Variants in CYP3A4 observed in about 807,000 individuals in gnomAD.
The protein encoded by CYP3A4 is cytochrome P450 family 3 subfamily A member 4.
CYP3A4 carries 41 observed loss-of-function variants against 54.9 expected under a neutral mutation model. The observed-to-expected ratio is 0.75, with a 90% CI of 0.58 to 0.97. The LOEUF is 0.97. Among genes scored for constraint, CYP3A4 ranks in the 50% least tolerant of loss-of-function variants. The pLI is 0.00. For missense variants in CYP3A4, 510 were observed against 597.3 expected, an observed-to-expected ratio of 0.85 and a Z score of 1.52; for synonymous variants, 179 against 205.2, an observed-to-expected ratio of 0.87 and a Z score of 1.09.
At chr7:99,776,895 G>A (rs1815785458) in intron 3 of CYP3A4, among the ~76,000 whole-genome samples, 1 of 152,124 alleles carries the variant, frequency 6.6e-6, no homozygotes, top group African/African-American at 2.4e-5. Flanking sequence ...CAGCCCGCCA[G>A]TGGTTAAGAA....
chr7:99,768,468 T>C lies in CYP3A4; in HGVS notation c.556A>G (p.Ser186Gly), dbSNP rs747817354. The change falls in exon 7 of 13, where the codon AGC (serine) becomes GGC (glycine). Residue 186 changes from serine to glycine, a missense_variant. By Grantham distance (56) the Ser-to-Gly change is moderately conservative (BLOSUM62 0). Transcript: ENST00000651514. ...FGAYSMDVIT[S>G]TSFGVNIDSL... ...TCGATGTTCACTCCAAATGATGTGC[T>C]AGTGATCACATCCATGCTGTAGGCC... The C allele has an allele frequency of 3.0e-5, 49 of 1,614,034 alleles. No homozygotes were observed. The highest frequency in any genetic ancestry group is 3.8e-5 in the Non-Finnish European group (45 of 1,179,950).
In CYP3A4 at chr7:99,773,653, A is replaced by G. The variant is rs903101482; in HGVS notation, c.219-964T>C. Reference sequence around the variant, plus strand: ...AAGATGTTCTATGAAACCAATGAGAACAAAGGCACAATGTACCAGAATCTC... The same window carrying G: ...AAGATGTTCTATGAAACCAATGAGAGCAAAGGCACAATGTACCAGAATCTC... On this transcript the variant is annotated intron_variant, in intron 3 of 12. Transcript: ENST00000651514. 2.0e-5 allele frequency among the ~76,000 whole-genome samples: 3 copies of G among 152,232 alleles called. 1 individual carries two copies.
At chr7:99,783,560 T>A (rs1429996764) in intron 1 of CYP3A4, among the ~76,000 whole-genome samples, 1 of 151,498 alleles carries the variant, frequency 6.6e-6, no homozygotes, top group African/African-American at 2.4e-5. Flanking sequence ...CAATAACCTC[T>A]ATATGTTTGT....
At chr7:99,783,602 A>T (rs1483896272) in intron 1 of CYP3A4, among the ~76,000 whole-genome samples, 1 of 135,590 alleles carries the variant, frequency 7.4e-6, no homozygotes, top group Non-Finnish European at 1.6e-5. Context: ...TGCTCCTTGA[A>T]CATCTTTTTT....
At chr7:99,779,893 A>G in intron 2 of CYP3A4, 99 bp downstream of exon 2, 1 of 1,138,006 alleles carries the variant, frequency 8.8e-7, no homozygotes, top group Non-Finnish European at 1.3e-6. Context: ...AAAGTGTAAA[A>G]CTTCAGACCT....
chr7:99,778,575 T>C (rs568393849), intron 2 of CYP3A4, among the ~76,000 whole-genome samples: 21 of 152,334 alleles, frequency 1.4e-4, no homozygotes, highest in Admixed American at 1.3e-3. Flanking sequence ...TCCTTTAGTC[T>C]AGCAGATTTA....
At position 99,760,172 on chromosome 7, in the gene CYP3A4, G is replaced by T. The variant is rs17161890; in HGVS notation, c.1416+647C>A. Among the ~76,000 whole-genome samples the T allele has an allele frequency of 2.2e-3, 330 of 152,242 alleles. 2 individuals are homozygous for T. The highest frequency in any genetic ancestry group is 7.7e-3 in the African/African-American group (321 of 41,534). On this transcript the variant is annotated intron_variant, in intron 12 of 12. Transcript: ENST00000651514. ...AATAGAGTTATAATTGGGTTGAAAAGGAGCCCAGCTGGATGGAGCTAGGCA... is the reference window on the plus strand; with the variant it reads ...AATAGAGTTATAATTGGGTTGAAAATGAGCCCAGCTGGATGGAGCTAGGCA...
intron 2 of CYP3A4, among the ~76,000 whole-genome samples, chr7:99,778,728 C>T (rs1815838362): frequency 6.6e-6 from 1 of 152,208 alleles, no homozygotes; most frequent in African/African-American, 2.4e-5. Flanking sequence ...AATTACAACA[C>T]TTGCTCAGAG....
chr7:99,779,907 C>A, intron 2 of CYP3A4, 85 bp downstream of exon 2: 3 of 1,291,868 alleles, frequency 2.3e-6, no homozygotes, highest in Non-Finnish European at 2.2e-6. Context: ...CAGACCTTCC[C>A]CCTGAGGAGA....
intron 10 of CYP3A4, among the ~76,000 whole-genome samples, chr7:99,762,873 C>T (rs1815375753): frequency 6.6e-6 from 1 of 152,144 alleles, no homozygotes; most frequent in African/African-American, 2.4e-5. Context: ...AAGAACATCC[C>T]TTTGTGTTCA....
In CYP3A4 at chr7:99,772,626, T is replaced by C. The variant is rs1563043521; in HGVS notation, c.282A>G (p.Leu94=). The C allele has an allele frequency of 6.2e-7, 1 of 1,613,426 alleles. No individual in the cohort carries two copies. The highest frequency in any genetic ancestry group is 2.2e-5 in the East Asian group (1 of 44,876). The change falls in exon 4 of 13, where the codon CTA becomes CTG. Residue 94 remains leucine, a synonymous_variant. Transcript: ENST00000651514. ...TGAAGACAGAATAACATTCTTTCAC[T>C]AGCACTGTTTTGATCATGTCAGGAT... is the stretch of plus-strand genomic sequence containing the variant. ...ITDPDMIKTV[L]VKECYSVFTN...
intron 6 of CYP3A4, among the ~76,000 whole-genome samples, chr7:99,768,904 G>A (rs1467078947): frequency 2.0e-5 from 3 of 152,142 alleles, no homozygotes; most frequent in African/African-American, 4.8e-5. Flanking sequence ...TTGCCTGACT[G>A]CAGACTCTAT....
intron 4 of CYP3A4, among the ~76,000 whole-genome samples, chr7:99,770,836 G>A (rs1260802573): frequency 6.6e-6 from 1 of 151,990 alleles, no homozygotes; most frequent in African/African-American, 2.4e-5. Context: ...AATTATTTTT[G>A]CCAACTTGGA....
chr7:99,779,426 G>T (rs1404467332), intron 2 of CYP3A4, among the ~76,000 whole-genome samples: 11 of 152,304 alleles, frequency 7.2e-5, no homozygotes. Flanking sequence ...AAGAGCTGGG[G>T]TAGAGCCATG....
intron 6 of CYP3A4, among the ~76,000 whole-genome samples, chr7:99,768,739 A>G (rs887078024): frequency 7.9e-5 from 12 of 152,154 alleles, no homozygotes; most frequent in African/African-American, 2.9e-4. Flanking sequence ...TACCTCTGAG[A>G]TCAAGGAGCC....
rs55785340 is a variant in CYP3A4, at chr7:99,768,360, A to T, written c.664T>A (p.Ser222Thr). 2 of 1,613,602 alleles carry T rather than the reference A, an allele frequency of 1.2e-6. No individual in the cohort carries two copies. The highest frequency in any genetic ancestry group is 2.7e-5 in the African/African-American group (2 of 74,904). ...RFDFLDPFFL[S>T]ITVFPFLIPI... ...GAAATAGTAGTCCACATACTTATTG[A>T]GAGAAAGAATGGATCCAAAAAATCA... Residue 222 changes from serine to threonine, a missense_variant, in exon 7 of 13, where the codon TCA (serine) becomes ACA (threonine). Ser to Thr is a moderately conservative substitution (Grantham distance 58, BLOSUM62 1). Around this residue, in one of 2 missense-constraint regions of CYP3A4, gnomAD observed 272 missense variants for 274.9 expected, o/e 0.99. Transcript: ENST00000651514.
chr7:99,760,363 C>A (rs1815287987), intron 12 of CYP3A4, among the ~76,000 whole-genome samples: 2 of 152,166 alleles, frequency 1.3e-5, no homozygotes, highest in Non-Finnish European at 2.9e-5. Flanking sequence ...TCTGTGATAT[C>A]CCAGACATCA....
intron 4 of CYP3A4, among the ~76,000 whole-genome samples, chr7:99,770,838 C>A (rs574892588): frequency 6.6e-6 from 1 of 152,046 alleles, no homozygotes; most frequent in East Asian, 1.9e-4. Context: ...TTATTTTTGC[C>A]AACTTGGAAC....
chr7:99,780,512 A>AT (rs1191555043), intron 1 of CYP3A4, among the ~76,000 whole-genome samples: 1 of 152,042 alleles, frequency 6.6e-6, no homozygotes, highest in African/African-American at 2.4e-5. Flanking sequence ...TGATGATGAG[A>AT]TTTTGCATCA....
Sources: gnomAD v4.1 joint callset for allele counts (sites outside exome capture counted in the v4.1 genomes callset) on GRCh38, gnomAD v4.1.1 for gene constraint, gnomAD v4.1.1 regional missense constraint, MANE v1.5 for transcripts, NCBI Gene and HGNC (gene_info 2026-07-23, HGNC 2026-07-21) for gene names.